NXPH1: variants seen among roughly 807,000 people sequenced by gnomAD.
The protein encoded by NXPH1 is neurexophilin 1, also known as neurexophilin-1.
Under a neutral mutation model 23.7 loss-of-function variants are expected in NXPH1, and 5 were observed. The observed-to-expected ratio is 0.21, with a 90% CI of 0.11 to 0.44. The LOEUF (loss-of-function observed/expected upper bound fraction) is 0.44, where lower values mean the gene tolerates loss of function less well. Among genes scored for constraint, NXPH1 ranks in the 20% least tolerant of loss-of-function variants. The pLI is 0.99. For synonymous variants in NXPH1, 144 were observed against 122.2 expected, an observed-to-expected ratio of 1.18 and a Z score of -1.18; for missense variants, 324 against 321.6, an observed-to-expected ratio of 1.01 and a Z score of -0.06.
intron 2 of NXPH1, among the ~76,000 whole-genome samples, chr7:8,609,173 T>C (rs1819564533): frequency 6.6e-6 from 1 of 152,208 alleles, no homozygotes; most frequent in South Asian, 2.1e-4. Flanking sequence ...GGCTTTCTTA[T>C]TCTACAGATG....
chr7:8,640,584 C>T (rs2115142735), intron 2 of NXPH1, among the ~76,000 whole-genome samples: 1 of 152,066 alleles, frequency 6.6e-6, no homozygotes, highest in South Asian at 2.1e-4. Flanking sequence ...ATAGAAAGTG[C>T]TCACTCATTA....
chr7:8,470,624 G>T (rs1040562763), intron 2 of NXPH1, among the ~76,000 whole-genome samples: 2 of 152,134 alleles, frequency 1.3e-5, no homozygotes, highest in Admixed American at 6.5e-5. Flanking sequence ...ACCTTTACTG[G>T]AAGTTCATGA....
At chr7:8,598,519 G>A (rs771258196) in intron 2 of NXPH1, among the ~76,000 whole-genome samples, 9 of 152,086 alleles carry the variant, frequency 5.9e-5, no homozygotes, top group Non-Finnish European at 1.0e-4. Context: ...GAGCGCCAAG[G>A]GCCCTTGCTT....
At chr7:8,574,714 C>G (rs1818719638) in intron 2 of NXPH1, among the ~76,000 whole-genome samples, 1 of 152,114 alleles carries the variant, frequency 6.6e-6, no homozygotes, top group Admixed American at 6.6e-5. Flanking sequence ...TCAACTTGAT[C>G]TTGTTCAGCC....
chr7:8,686,951 A>G (rs1821155415), intron 2 of NXPH1, among the ~76,000 whole-genome samples: 1 of 152,132 alleles, frequency 6.6e-6, no homozygotes, highest in Non-Finnish European at 1.5e-5. Context: ...TTTTTAATGA[A>G]AAAAAGCAGG....
At chr7:8,490,975 C>G (rs1457084355) in intron 2 of NXPH1, among the ~76,000 whole-genome samples, 1 of 152,044 alleles carries the variant, frequency 6.6e-6, no homozygotes, top group East Asian at 1.9e-4. Flanking sequence ...AATAGGTTGA[C>G]AGACATTTTG....
intron 2 of NXPH1, among the ~76,000 whole-genome samples, chr7:8,599,341 C>T (rs1026906448): frequency 6.6e-6 from 1 of 152,158 alleles, no homozygotes; most frequent in Non-Finnish European, 1.5e-5. Context: ...TAACAATTCC[C>T]TGCCATGACT....
intron 2 of NXPH1, among the ~76,000 whole-genome samples, chr7:8,628,160 G>A (rs1820034954): frequency 6.6e-6 from 1 of 152,052 alleles, no homozygotes; most frequent in African/African-American, 2.4e-5. Flanking sequence ...AGGGAAAATA[G>A]AGAATATGTG....
In NXPH1 at chr7:8,496,469, T is replaced by C. The variant is rs191983880; in HGVS notation, c.54+60702T>C. On this transcript the variant is annotated intron_variant, in intron 2 of 2. Transcript: ENST00000405863. Reference sequence around the variant, plus strand: ...TGTTCATAATTTACAGCAATAGTAATTGCAATTTAATATAATCCAAGAGTG... The same window carrying C: ...TGTTCATAATTTACAGCAATAGTAACTGCAATTTAATATAATCCAAGAGTG... Among the ~76,000 whole-genome samples, 102 of 152,178 alleles carry C rather than the reference T, an allele frequency of 6.7e-4. 1 individual carries two copies. The highest frequency in any genetic ancestry group is 6.5e-3 in the Admixed American group (100 of 15,268).
chr7:8,468,004 T>C (rs189181810), intron 2 of NXPH1, among the ~76,000 whole-genome samples: 18 of 152,098 alleles, frequency 1.2e-4, no homozygotes, highest in African/African-American at 4.3e-4. Flanking sequence ...GAGCATTTAG[T>C]TGTGAGATAA....
intron 2 of NXPH1, among the ~76,000 whole-genome samples, chr7:8,724,363 T>C (rs1780015999): frequency 6.6e-6 from 1 of 152,200 alleles, no homozygotes; most frequent in South Asian, 2.1e-4. Flanking sequence ...TCTCAGTATT[T>C]GAAGTCAGTG....
At position 8,745,593 on chromosome 7, in the gene NXPH1, G is replaced by A. The variant is rs750534376; in HGVS notation, c.55-5415G>A. 3.9e-5 allele frequency among the ~76,000 whole-genome samples: 6 copies of A among 151,964 alleles called. No individual in the cohort carries two copies. The East Asian group carries it at 5.8e-4, about 15-fold the overall frequency. On this transcript the variant is annotated intron_variant, in intron 2 of 2. Coordinates refer to ENST00000405863, the MANE Select transcript of NXPH1 (RefSeq NM_152745.3). ...CCCCGAAACAGAGTCTTGCTCTGTC[G>A]CCAGGCTGGAGTGCAGTGGTGCAAT...
intron 2 of NXPH1, among the ~76,000 whole-genome samples, chr7:8,516,251 C>A (rs1366315619): frequency 6.6e-6 from 1 of 152,000 alleles, no homozygotes; most frequent in Non-Finnish European, 1.5e-5. Context: ...TTTCCTCCCG[C>A]CTCCGCAATT....
At chr7:8,709,919 C>A (rs1046146277) in intron 2 of NXPH1, among the ~76,000 whole-genome samples, 6 of 152,166 alleles carry the variant, frequency 3.9e-5, no homozygotes, top group Non-Finnish European at 8.8e-5. Context: ...CCTCAGGAAT[C>A]CATTGAACCA....
chr7:8,719,877 A>C (rs912304808), intron 2 of NXPH1, among the ~76,000 whole-genome samples: 8 of 152,236 alleles, frequency 5.3e-5, no homozygotes, highest in African/African-American at 1.9e-4. Context: ...ACTGAGAAGA[A>C]CAGCTTATGT....
intron 2 of NXPH1, among the ~76,000 whole-genome samples, chr7:8,484,284 A>G (rs2128610239): frequency 6.6e-6 from 1 of 152,120 alleles, no homozygotes; most frequent in Middle Eastern, 3.4e-3. Context: ...AGAATTTGTT[A>G]GGTTTCTAAG....
intron 2 of NXPH1, among the ~76,000 whole-genome samples, chr7:8,609,987 C>T (rs1403252749): frequency 6.6e-6 from 1 of 152,052 alleles, no homozygotes; most frequent in Non-Finnish European, 1.5e-5. Flanking sequence ...AGAGGTACTG[C>T]TTTTGGACAT....
chr7:8,493,058 G>A (rs1817277241), intron 2 of NXPH1, among the ~76,000 whole-genome samples: 1 of 151,944 alleles, frequency 6.6e-6, no homozygotes, highest in Non-Finnish European at 1.5e-5. Flanking sequence ...ATCTTATCTT[G>A]GGGCAGCATG....
rs150828015 is a variant in NXPH1 at position 8,553,732 on chromosome 7, A to G, written c.54+117965A>G. ...ATTTAATGCATCACCAAGTCCCATCAGGCTAAGATGTTCAAACACCCTTGG... is the reference window on the plus strand; with the variant it reads ...ATTTAATGCATCACCAAGTCCCATCGGGCTAAGATGTTCAAACACCCTTGG... On this transcript the variant is annotated intron_variant, in intron 2 of 2. Coordinates refer to ENST00000405863, the MANE Select transcript of NXPH1 (RefSeq NM_152745.3). Among the ~76,000 whole-genome samples the G allele has an allele frequency of 1.7e-3, 255 of 151,746 alleles. 2 individuals are homozygous for G. The highest frequency in any genetic ancestry group is 5.8e-3 in the African/African-American group (239 of 41,506).
Sources: gnomAD v4.1 joint callset for allele counts (sites outside exome capture counted in the v4.1 genomes callset) on GRCh38, gnomAD v4.1.1 for gene constraint, MANE v1.5 for transcripts, NCBI Gene and HGNC (gene_info 2026-07-23, HGNC 2026-07-21) for gene names.